Variants in CTNNA3 observed in about 807,000 individuals in gnomAD.
CTNNA3 encodes the protein catenin alpha-3.
In CTNNA3, 76 loss-of-function variants were observed where a neutral mutation model predicts 95.7. That is an observed-to-expected ratio of 0.79 (90% CI 0.66 to 0.96). The LOEUF is 0.96. Among genes scored for constraint, CTNNA3 ranks in the 40% least tolerant of loss-of-function variants. CTNNA3 has a pLI of 0.00. For missense variants in CTNNA3, 1,191 were observed against 1,089.8 expected, an observed-to-expected ratio of 1.09 and a Z score of -1.31; for synonymous variants, 431 against 374.4, an observed-to-expected ratio of 1.15 and a Z score of -1.74.
At chr10:66,568,721 C>T (rs555508267) in intron 10 of CTNNA3, among the ~76,000 whole-genome samples, 2 of 151,956 alleles carry the variant, frequency 1.3e-5, no homozygotes, top group East Asian at 3.9e-4. Flanking sequence ...CTGGCTGCAA[C>T]TCTGGTATCT....
At chr10:66,708,522 G>A (rs571058182) in intron 9 of CTNNA3, among the ~76,000 whole-genome samples, 4 of 151,852 alleles carry the variant, frequency 2.6e-5, no homozygotes, top group Non-Finnish European at 5.9e-5. Context: ...ATTACCCCTT[G>A]TAGGACCCTA....
At chr10:67,320,427 A>G (rs1284788535) in intron 5 of CTNNA3, among the ~76,000 whole-genome samples, 2 of 152,190 alleles carry the variant, frequency 1.3e-5, no homozygotes, top group Non-Finnish European at 2.9e-5. Flanking sequence ...CATGTCAGCA[A>G]TACTACAATA....
At chr10:66,498,592 T>C (rs1182983089) in intron 11 of CTNNA3, among the ~76,000 whole-genome samples, 1 of 152,138 alleles carries the variant, frequency 6.6e-6, no homozygotes, top group Admixed American at 6.5e-5. Context: ...GTTCAGTGAA[T>C]TACAAAATGA....
chr10:66,441,703 A>G (rs781037464), intron 11 of CTNNA3, among the ~76,000 whole-genome samples: 28 of 152,224 alleles, frequency 1.8e-4, no homozygotes, highest in Non-Finnish European at 3.4e-4. Flanking sequence ...ACATTCTTAT[A>G]TTTTTCCAGA....
chr10:66,346,168 T>C (rs1261010225), intron 12 of CTNNA3, among the ~76,000 whole-genome samples: 3 of 149,948 alleles, frequency 2.0e-5, no homozygotes, highest in Non-Finnish European at 4.4e-5. Context: ...CTCCAATTTG[T>C]TGTAATATAG....
chr10:66,842,640 G>A (rs1241277895), intron 7 of CTNNA3, among the ~76,000 whole-genome samples: 3 of 152,180 alleles, frequency 2.0e-5, no homozygotes, highest in Non-Finnish European at 4.4e-5. Flanking sequence ...GATTAATGAG[G>A]AAGGGGTGGT....
intron 8 of CTNNA3, among the ~76,000 whole-genome samples, chr10:66,767,448 C>T (rs1481793998): frequency 3.2e-5 from 3 of 94,542 alleles, no homozygotes; most frequent in African/African-American, 9.5e-5. Context: ...TCCATCCACT[C>T]CCCCCGACAA....
chr10:65,924,859 G>A (rs1310130189), intron 17 of CTNNA3, among the ~76,000 whole-genome samples: 1 of 152,204 alleles, frequency 6.6e-6, no homozygotes, highest in Non-Finnish European at 1.5e-5. Flanking sequence ...ACAAAGTCAT[G>A]TCTTACATGG....
chr10:66,473,174 CT>C (rs1210333816), intron 11 of CTNNA3, among the ~76,000 whole-genome samples: 2 of 151,832 alleles, frequency 1.3e-5, no homozygotes, highest in Non-Finnish European at 2.9e-5. Flanking sequence ...ATTTTATATG[CT>C]TAGGCTTTGT....
At chr10:66,568,021 T>C (rs914325941) in intron 10 of CTNNA3, among the ~76,000 whole-genome samples, 2 of 152,204 alleles carry the variant, frequency 1.3e-5, no homozygotes, top group Admixed American at 1.3e-4. Context: ...ACATTTACAG[T>C]AATTACTATG....
At chr10:65,948,336 AC>A (rs146538184) in intron 17 of CTNNA3, among the ~76,000 whole-genome samples, 6 of 150,264 alleles carry the variant, frequency 4.0e-5, no homozygotes, top group South Asian at 4.2e-4. Flanking sequence ...ATGCATGCAC[AC>A]CCCCCCCAAC....
chr10:67,292,127 C>G (rs972665187), intron 5 of CTNNA3, among the ~76,000 whole-genome samples: 1 of 152,072 alleles, frequency 6.6e-6, no homozygotes, highest in Non-Finnish European at 1.5e-5. Flanking sequence ...TCTTGAATGG[C>G]GGGTGGGGGT....
rs77181896 is a variant in CTNNA3 at position 67,417,858 on chromosome 10, G to A, written c.579+103984C>T. On this transcript the variant is annotated intron_variant, in intron 5 of 17. Coordinates refer to ENST00000433211, the MANE Select transcript of CTNNA3 (RefSeq NM_013266.4). ...AATCAAATTTTATTGACATATTGGCGAAGCATAATTCAATATTAAAGCATA... is the reference window on the plus strand; with the variant it reads ...AATCAAATTTTATTGACATATTGGCAAAGCATAATTCAATATTAAAGCATA... Among the ~76,000 whole-genome samples, 340 of 151,862 alleles carry A rather than the reference G, an allele frequency of 2.2e-3. 1 individual carries two copies. The highest frequency in any genetic ancestry group is 7.8e-3 in the African/African-American group (321 of 41,416).
chr10:66,824,784 G>T (rs576411414), intron 7 of CTNNA3, among the ~76,000 whole-genome samples: 4 of 152,058 alleles, frequency 2.6e-5, no homozygotes, highest in Non-Finnish European at 5.9e-5. Flanking sequence ...AGAAGTCATC[G>T]CCGTCTAAAG....
At chr10:67,317,559 G>T (rs994856224) in intron 5 of CTNNA3, among the ~76,000 whole-genome samples, 18 of 152,054 alleles carry the variant, frequency 1.2e-4, no homozygotes, top group Admixed American at 8.5e-4. Context: ...CCAAGTAGCT[G>T]GGACTACAGG....
rs12412975 is a variant in CTNNA3 at position 66,825,424 on chromosome 10, C to T, written c.1048-49900G>A. Among the ~76,000 whole-genome samples the T allele has an allele frequency of 3.4e-3, 511 of 151,344 alleles. 21 individuals are homozygous for T. In the East Asian group the frequency reaches 0.074, roughly 22 times the overall value. ...CCAAGTAGCTGGGATTATAGCTGTG[C>T]GCCACCACACCCGGCTAATTTTGGT... On this transcript the variant is annotated intron_variant, in intron 7 of 17. Coordinates refer to ENST00000433211, the MANE Select transcript of CTNNA3 (RefSeq NM_013266.4).
chr10:67,414,461 A>T (rs1265701446), intron 5 of CTNNA3, among the ~76,000 whole-genome samples: 2 of 152,180 alleles, frequency 1.3e-5, no homozygotes, highest in Non-Finnish European at 2.9e-5. Flanking sequence ...AAGCAAAAAA[A>T]GCCCTGGACC....
chr10:67,520,325 C>T (rs1015678210), intron 5 of CTNNA3, among the ~76,000 whole-genome samples: 5 of 152,162 alleles, frequency 3.3e-5, no homozygotes, highest in Admixed American at 2.6e-4. Flanking sequence ...GCCCCTGAGG[C>T]ATTTACATTC....
chr10:66,505,183 C>T lies in CTNNA3; in HGVS notation c.1531+15434G>A, dbSNP rs554199299. Among the ~76,000 whole-genome samples, 4 of 152,246 alleles carry T rather than the reference C, an allele frequency of 2.6e-5. No homozygotes were observed. The East Asian group carries it at 7.7e-4, about 29-fold the overall frequency. ...TTATTGTTTATTCAAATGAAAGCAC[C>T]TTAAGTGAACTTACCTGTTAGTACA... On this transcript the variant is annotated intron_variant, in intron 11 of 17. Transcript: ENST00000433211.
Sources: allele counts gnomAD v4.1 joint callset (sites outside exome capture counted in the v4.1 genomes callset), GRCh38; gene constraint gnomAD v4.1.1; transcripts MANE v1.5; gene names NCBI Gene and HGNC (gene_info 2026-07-23, HGNC 2026-07-21).